TAF4B: variants seen among roughly 807,000 people sequenced by gnomAD.
The protein encoded by TAF4B is TATA-box binding protein associated factor 4b.
Under a neutral mutation model 86.4 loss-of-function variants are expected in TAF4B, and 38 were observed. The ratio of observed to expected loss-of-function variants is 0.44; its 90% CI spans 0.34 to 0.58. TAF4B has a LOEUF of 0.58. Ranked by LOEUF, TAF4B falls within the 20% of genes least tolerant of loss-of-function variation. The pLI, the probability that TAF4B is intolerant of heterozygous loss-of-function variation, is 0.02. For synonymous variants in TAF4B, 388 were observed against 391.2 expected (o/e 0.99, Z 0.10); for missense variants, 988 against 1,027.6 (o/e 0.96, Z 0.53).
At chr18:26,368,550 G>A (rs2057385931) in intron 14 of TAF4B, among the ~76,000 whole-genome samples, 1 of 152,046 alleles carries the variant, frequency 6.6e-6, no homozygotes, top group African/African-American at 2.4e-5. Context: ...AGGCTACAGG[G>A]GACCACAGTT....
At chr18:26,387,481 T>C (rs1488101560) in intron 14 of TAF4B, among the ~76,000 whole-genome samples, 2 of 152,188 alleles carry the variant, frequency 1.3e-5, no homozygotes. Flanking sequence ...AAAAATCTTA[T>C]GAAGATATTT....
chr18:26,227,874 A>G (rs1449350982), intron 1 of TAF4B, among the ~76,000 whole-genome samples: 1 of 152,238 alleles, frequency 6.6e-6, no homozygotes, highest in Non-Finnish European at 1.5e-5. Context: ...TAACCAAGTC[A>G]GAATCGGTTT....
At chr18:26,319,003 G>A (rs1396419359) in intron 10 of TAF4B, among the ~76,000 whole-genome samples, 1 of 152,066 alleles carries the variant, frequency 6.6e-6, no homozygotes, top group Non-Finnish European at 1.5e-5. Flanking sequence ...AGACCAGCCT[G>A]GGCAACATAG....
intron 7 of TAF4B, 23 bp from the exon 8 acceptor site, chr18:26,292,223 A>G (rs778763476): frequency 6.2e-7 from 1 of 1,609,792 alleles, no homozygotes; most frequent in Non-Finnish European, 8.5e-7. Context: ...GAACAACTAT[A>G]TTGATAGTTC....
intron 1 of TAF4B, among the ~76,000 whole-genome samples, chr18:26,256,623 C>T (rs966764122): frequency 6.6e-6 from 1 of 151,940 alleles, no homozygotes; most frequent in Non-Finnish European, 1.5e-5. Context: ...GATATTTCTT[C>T]CTTTTTAAGA....
chr18:26,301,377 TC>T (rs1459239460), intron 9 of TAF4B, among the ~76,000 whole-genome samples: 1 of 151,840 alleles, frequency 6.6e-6, no homozygotes, highest in African/African-American at 2.4e-5. Flanking sequence ...GCCTTGAACT[TC>T]TAGGCTCCAG....
intron 11 of TAF4B, among the ~76,000 whole-genome samples, chr18:26,323,734 T>A (rs2056981827): frequency 6.6e-6 from 1 of 152,198 alleles, no homozygotes; most frequent in African/African-American, 2.4e-5. Context: ...ACTTAAAGTC[T>A]ATACTGTCTG....
intron 9 of TAF4B, among the ~76,000 whole-genome samples, chr18:26,298,851 CTTTTTTTTTTTTTTT>C (rs56044910): frequency 6.4e-5 from 3 of 46,542 alleles, no homozygotes; most frequent in Admixed American, 7.1e-4. Flanking sequence ...AGCCTATTGC[CTTTTTTTTTTTTTTT>C]TTTTTTTTTT....
intron 13 of TAF4B, among the ~76,000 whole-genome samples, chr18:26,338,129 C>T (rs2057107403): frequency 6.6e-6 from 1 of 151,932 alleles, no homozygotes; most frequent in South Asian, 2.1e-4. Flanking sequence ...TAATCTTATC[C>T]ATATTTGCTT....
intron 13 of TAF4B, among the ~76,000 whole-genome samples, chr18:26,346,873 A>ATATATGTG (rs1555623695): frequency 4.9e-4 from 6 of 12,298 alleles, no homozygotes; most frequent in Non-Finnish European, 7.3e-4. Context: ...ATATATATAT[A>ATATATGTG]TGTGTATATA....
chr18:26,233,318 G>A (rs1347515300), intron 1 of TAF4B, among the ~76,000 whole-genome samples: 1 of 152,172 alleles, frequency 6.6e-6, no homozygotes, highest in Non-Finnish European at 1.5e-5. Flanking sequence ...GTAATTGAAA[G>A]AAGGGAGGAG....
At position 26,315,144 on chromosome 18, in the gene TAF4B, C is replaced by G. The variant is rs866083208; in HGVS notation, c.1833-85C>G. 3.9e-3 allele frequency: 971 copies of G among 247,546 alleles called. 1 individual carries two copies. Among genetic ancestry groups the G allele is most frequent in the Middle Eastern group, 8.5e-3 (7 of 826 alleles). 15.3% of individuals were successfully genotyped at this position (247,546 alleles called of 1,614,324 possible). On this transcript the variant is annotated intron_variant, in intron 9 of 14. Transcript: ENST00000269142. ...TCTCTCTCTCTCTCTCTCTCTCTCT[C>G]TGTCTCTCTCTCTCTCTCACACACA...
At chr18:26,342,043 T>A (rs1047905247) in intron 13 of TAF4B, among the ~76,000 whole-genome samples, 1 of 152,162 alleles carries the variant, frequency 6.6e-6, no homozygotes, top group African/African-American at 2.4e-5. Context: ...TTCCAAAGTA[T>A]ATCTAATTCA....
At chr18:26,382,735 A>AAAT (rs1978296907) in intron 14 of TAF4B, among the ~76,000 whole-genome samples, 1 of 152,194 alleles carries the variant, frequency 6.6e-6, no homozygotes, top group Non-Finnish European at 1.5e-5. Context: ...TGGTTCTCCT[A>AAAT]CAGATGATAT....
chr18:26,362,738 G>T (rs1405156456), intron 14 of TAF4B, among the ~76,000 whole-genome samples: 3 of 152,034 alleles, frequency 2.0e-5, no homozygotes, highest in South Asian at 2.1e-4. Context: ...GAGAACTCAG[G>T]CATGCATATT....
intron 14 of TAF4B, chr18:26,366,204 T>G (rs2057370326): frequency 6.6e-6 from 1 of 152,252 alleles, no homozygotes. Flanking sequence ...TTAGATTTGA[T>G]GAATAACTTC....
At chr18:26,287,010 T>C (rs759033599) in intron 7 of TAF4B, among the ~76,000 whole-genome samples, 1 of 152,130 alleles carries the variant, frequency 6.6e-6, no homozygotes, top group Non-Finnish European at 1.5e-5. Flanking sequence ...CGTAAGTCTT[T>C]ACTGAACCAC....
At chr18:26,280,152 A>G (rs1203243248) in intron 5 of TAF4B, among the ~76,000 whole-genome samples, 1 of 152,192 alleles carries the variant, frequency 6.6e-6, no homozygotes, top group Non-Finnish European at 1.5e-5. Flanking sequence ...TTCACCATAT[A>G]TAAAAATTAA....
chr18:26,228,718 T>C (rs569398681), intron 1 of TAF4B, among the ~76,000 whole-genome samples: 10 of 151,816 alleles, frequency 6.6e-5, no homozygotes, highest in African/African-American at 2.4e-4. Flanking sequence ...AGCCAAGATA[T>C]CTTGCCACTG....
Sources: allele counts gnomAD v4.1 joint callset (sites outside exome capture counted in the v4.1 genomes callset), GRCh38; gene constraint gnomAD v4.1.1; transcripts MANE v1.5; gene names NCBI Gene and HGNC (gene_info 2026-07-23, HGNC 2026-07-21).